Variants in SIRT1 observed in about 807,000 individuals in gnomAD.
SIRT1 encodes the protein sirtuin 1, also known as NAD-dependent protein deacetylase sirtuin-1.
A neutral mutation model predicts 67.9 loss-of-function variants in SIRT1; 24 were observed. That is an observed-to-expected ratio of 0.35 (90% CI 0.26 to 0.50). The LOEUF (loss-of-function observed/expected upper bound fraction) is 0.50. Among genes scored for constraint, SIRT1 ranks in the 20% least tolerant of loss-of-function variants. SIRT1 has a pLI of 0.98. For missense variants in SIRT1, 873 were observed against 937.2 expected, an observed-to-expected ratio of 0.93 and a Z score of 0.89; for synonymous variants, 378 against 350.7, an observed-to-expected ratio of 1.08 and a Z score of -0.87.
intron 4 of SIRT1, among the ~76,000 whole-genome samples, chr10:67,895,553 C>T (rs762932005): frequency 6.6e-5 from 10 of 151,842 alleles, no homozygotes; most frequent in Non-Finnish European, 1.0e-4. Flanking sequence ...AGAAAGTTCA[C>T]TAAAGTGGTT....
intron 4 of SIRT1, among the ~76,000 whole-genome samples, chr10:67,895,153 C>T (rs568034991): frequency 1.1e-4 from 16 of 152,216 alleles, no homozygotes; most frequent in African/African-American, 3.9e-4. Context: ...GGCACAGTGG[C>T]TCACACCTGT....
chr10:67,895,744 TTTTG>T (rs1181209965), intron 4 of SIRT1, among the ~76,000 whole-genome samples: 9 of 90,560 alleles, frequency 9.9e-5, no homozygotes, highest in Admixed American at 4.5e-4. Flanking sequence ...TTTTTTTTTT[TTTTG>T]TTTTTTTTTT....
rs1157733921 is a variant in SIRT1 at position 67,912,688 on chromosome 10, G to A, written c.1572G>A (p.Leu524=). The A allele has an allele frequency of 3.1e-6, 5 of 1,614,124 alleles. No homozygotes were observed. The highest frequency in any genetic ancestry group is 1.3e-5 in the African/African-American group (1 of 75,038). The part of the protein sequence containing the change: ...PPRTQKELAY[L]SELPPTPLHV... ...GAACACAAAAAGAATTGGCTTATTTGTCAGAGTTGCCACCCACACCTCTTC... is the reference window on the plus strand; with the variant it reads ...GAACACAAAAAGAATTGGCTTATTTATCAGAGTTGCCACCCACACCTCTTC... The change falls in exon 8 of 9, where the codon TTG becomes TTA. Residue 524 remains leucine, a synonymous_variant. Transcript: ENST00000212015.
chr10:67,886,585 G>A (rs2131845003), intron 1 of SIRT1, among the ~76,000 whole-genome samples: 1 of 149,154 alleles, frequency 6.7e-6, no homozygotes, highest in East Asian at 2.0e-4. Flanking sequence ...AGTAATATGT[G>A]TTTTTAGGGA....
In SIRT1 at chr10:67,918,037, A is replaced by G. The variant is rs1018331294; in HGVS notation, c.*1444A>G. ...CCAGCTAGGACCATTACTGCCAGAG[A>G]AAAAAATCGTATTGAATGGCCATTT... On this transcript the variant is annotated 3_prime_UTR_variant, in exon 9 of 9. Coordinates refer to ENST00000212015, the MANE Select transcript of SIRT1 (RefSeq NM_012238.5). The G allele has an allele frequency of 2.6e-5, 4 of 152,642 alleles. No individual in the cohort carries two copies. Among genetic ancestry groups the G allele is most frequent in the African/African-American group, 9.6e-5 (4 of 41,466 alleles). The allele number at this position is 152,642 out of a possible 1,614,324, so 9.5% of individuals were successfully genotyped here.
intron 4 of SIRT1, among the ~76,000 whole-genome samples, chr10:67,902,871 G>C (rs1842764000): frequency 6.6e-6 from 1 of 152,164 alleles, no homozygotes; most frequent in Non-Finnish European, 1.5e-5. Context: ...AAGGCAGGTG[G>C]ATCACCTGAG....
chr10:67,900,845 CT>C (rs35708405), intron 4 of SIRT1, among the ~76,000 whole-genome samples: 1 of 152,140 alleles, frequency 6.6e-6, no homozygotes, highest in Non-Finnish European at 1.5e-5. Flanking sequence ...CATTTGGGTG[CT>C]TTTTCACAGT....
chr10:67,901,690 AG>A (rs1842747408), intron 4 of SIRT1, among the ~76,000 whole-genome samples: 1 of 152,386 alleles, frequency 6.6e-6, no homozygotes, highest in Admixed American at 6.5e-5. Flanking sequence ...GGCGACTGGC[AG>A]TTTAACTAAT....
chr10:67,903,896 T>C (rs564328136), intron 4 of SIRT1, among the ~76,000 whole-genome samples: 3 of 152,170 alleles, frequency 2.0e-5, no homozygotes, highest in African/African-American at 7.2e-5. Context: ...TCATGATTGG[T>C]TGCTTAAAAA....
chr10:67,905,304 C>T (rs1842804829), intron 4 of SIRT1, among the ~76,000 whole-genome samples: 1 of 152,190 alleles, frequency 6.6e-6, no homozygotes, highest in Non-Finnish European at 1.5e-5. Context: ...CTCACTTTTC[C>T]AAAACAGTGG....
At chr10:67,891,344 G>T in intron 3 of SIRT1, 58 bp from the exon 4 acceptor site, 2 of 1,505,968 alleles carry the variant, frequency 1.3e-6, no homozygotes, top group Non-Finnish European at 1.8e-6. Context: ...AAGAGAGCTA[G>T]CTAGTTCCTA....
Position 67,906,854 on chromosome 10 carries a change from A to G in SIRT1, c.1007A>G (p.Glu336Gly). The change falls in exon 5 of 9, where the codon GAA (glutamate) becomes GGA (glycine). Residue 336 changes from glutamate to glycine, a missense_variant. By Grantham distance (98) the Glu-to-Gly change is moderately conservative (BLOSUM62 -2). Around this residue, in one of 3 missense-constraint regions of SIRT1, gnomAD observed 251 missense variants for 358.8 expected, o/e 0.70. Coordinates refer to ENST00000212015, the MANE Select transcript of SIRT1 (RefSeq NM_012238.5). ...CHKFIALSDK[E>G]GKLLRNYTQN... ...AAATTCATAGCCTTGTCAGATAAGG[A>G]AGGAAAACTACTTCGCAACTATACC... 1 of 1,613,450 alleles carries G rather than the reference A, an allele frequency of 6.2e-7. No homozygotes were observed. Among genetic ancestry groups the G allele is most frequent in the Middle Eastern group, 1.7e-4 (1 of 6,058 alleles).
chr10:67,899,561 A>C (rs1483370392), intron 4 of SIRT1, among the ~76,000 whole-genome samples: 1 of 152,076 alleles, frequency 6.6e-6, no homozygotes, highest in Non-Finnish European at 1.5e-5. Flanking sequence ...TACTTGATAA[A>C]TGATTGCCAA....
chr10:67,911,444 C>T (rs927014153), intron 7 of SIRT1, among the ~76,000 whole-genome samples: 2 of 152,116 alleles, frequency 1.3e-5, no homozygotes, highest in African/African-American at 4.8e-5. Flanking sequence ...CCTTCCTCCT[C>T]TGCCTCTCAA....
In SIRT1 at chr10:67,887,332, G is replaced by A. The variant is rs942392855; in HGVS notation, c.431-85G>A. 5 of 832,880 alleles carry A rather than the reference G, an allele frequency of 6.0e-6. No individual in the cohort carries two copies. In the African/African-American group the frequency reaches 8.4e-5, roughly 14 times the overall value. The allele number at this position is 832,880 out of a possible 1,614,324, so 51.6% of individuals were successfully genotyped here. A position where few individuals can be genotyped will look rare whatever the true frequency, so the allele number is the denominator to read the frequency against. On this transcript the variant is annotated intron_variant, in intron 1 of 8. Coordinates refer to ENST00000212015, the MANE Select transcript of SIRT1 (RefSeq NM_012238.5). ...CGTGTAAATGTTAAATGCTGTACTCGATGAAAATGATTGCTCTATAACCGT... is the reference window on the plus strand; with the variant it reads ...CGTGTAAATGTTAAATGCTGTACTCAATGAAAATGATTGCTCTATAACCGT...
chr10:67,887,332 G>C, intron 1 of SIRT1, 85 bp from the exon 2 acceptor site: 1 of 832,998 alleles, frequency 1.2e-6, no homozygotes, highest in Admixed American at 1.8e-5. Flanking sequence ...TGCTGTACTC[G>C]ATGAAAATGA....
At chr10:67,908,805 G>C (rs188743668) in intron 6 of SIRT1, among the ~76,000 whole-genome samples, 1 of 152,180 alleles carries the variant, frequency 6.6e-6, no homozygotes, top group Non-Finnish European at 1.5e-5. Context: ...GGGAGGCTGA[G>C]GCAGGAGAAT....
chr10:67,906,856 G>A lies in SIRT1; in HGVS notation c.1009G>A (p.Gly337Arg). Residue 337 changes from glycine (G) to arginine (R), a missense_variant, in exon 5 of 9, where the codon GGA becomes AGA. Coordinates refer to ENST00000212015, the MANE Select transcript of SIRT1 (RefSeq NM_012238.5). ...HKFIALSDKE[G>R]KLLRNYTQNI... is the part of the protein sequence containing the mutation. ...ATTCATAGCCTTGTCAGATAAGGAA[G>A]GAAAACTACTTCGCAACTATACCCA... 1.9e-6 allele frequency: 3 copies of A among 1,613,056 alleles called. No homozygotes were observed. The highest frequency in any genetic ancestry group is 2.5e-6 in the Non-Finnish European group (3 of 1,179,584).
At position 67,905,459 on chromosome 10, in the gene SIRT1, G is replaced by A. The variant is rs966415445; in HGVS notation, c.943-1331G>A. 7.2e-5 allele frequency among the ~76,000 whole-genome samples: 11 copies of A among 152,238 alleles called. No homozygotes were observed. In the South Asian group the frequency reaches 1.5e-3, roughly 20 times the overall value. On this transcript the variant is annotated intron_variant, in intron 4 of 8. Coordinates refer to ENST00000212015, the MANE Select transcript of SIRT1 (RefSeq NM_012238.5). Reference sequence around the variant, plus strand: ...GGCAACGTTTTTGGATTCTTTATACGAGGTTTTTAGCAGCATGTGTACATG... The same window carrying A: ...GGCAACGTTTTTGGATTCTTTATACAAGGTTTTTAGCAGCATGTGTACATG...
Sources: allele counts gnomAD v4.1 joint callset (sites outside exome capture counted in the v4.1 genomes callset), GRCh38; gene constraint gnomAD v4.1.1; regional missense constraint gnomAD v4.1.1; transcripts MANE v1.5; gene names NCBI Gene and HGNC (gene_info 2026-07-23, HGNC 2026-07-21).